ZSCAN4: variants seen among roughly 807,000 people sequenced by gnomAD.
ZSCAN4 encodes zinc finger and SCAN domain-containing protein 4.
In ZSCAN4, 18 loss-of-function variants were observed where a neutral mutation model predicts 18.3. The ratio of observed to expected loss-of-function variants is 0.98; its 90% confidence interval spans 0.68 to 1.46. The LOEUF (loss-of-function observed/expected upper bound fraction) is 1.46. Ranked by LOEUF, ZSCAN4 falls within the 40% of genes most tolerant of loss-of-function variation. The probability of loss-of-function intolerance (pLI) is 0.00; values close to 1 mark genes in which losing one functional copy is unlikely to be tolerated. For synonymous variants in ZSCAN4, 193 were observed against 180.3 expected (o/e 1.07, Z -0.57); for missense variants, 498 against 511.4 (o/e 0.97, Z 0.25).
At chr19:57,674,277 T>C (rs937163180) in intron 2 of ZSCAN4, among the ~76,000 whole-genome samples, 1 of 152,228 alleles carries the variant, frequency 6.6e-6, no homozygotes, top group Non-Finnish European at 1.5e-5. Flanking sequence ...ATTACTTAAA[T>C]AGTGAACATT....
chr19:57,674,585 G>A lies in ZSCAN4; in HGVS notation c.-105-1456G>A, dbSNP rs184208984. On this transcript the variant is annotated intron_variant, in intron 2 of 4. Transcript: ENST00000318203. The stretch of plus-strand genomic sequence containing the variant: ...CAGTCAACCACTGGTAGACTCTTAG[G>A]TTGGTTCCATGACTTTGCTCCTGTG... Among the ~76,000 whole-genome samples, 1,376 of 152,248 alleles carry A rather than the reference G, an allele frequency of 9.0e-3. 10 individuals are homozygous for A. The highest frequency in any genetic ancestry group is 0.014 in the Non-Finnish European group (942 of 68,022).
At chr19:57,659,873 C>T in the ZSCAN4 span, among the ~76,000 whole-genome samples, 1 of 152,174 alleles carries the variant, frequency 6.6e-6, no homozygotes, top group Non-Finnish European at 1.5e-5. Context: ...GGGTGCTCCT[C>T]AGCTACTTCT....
At chr19:57,661,217 C>G in the ZSCAN4 span, among the ~76,000 whole-genome samples, 3 of 152,276 alleles carry the variant, frequency 2.0e-5, no homozygotes, top group South Asian at 6.2e-4. Flanking sequence ...ATGGTGAATA[C>G]TCACTGGGAC....
At chr19:57,672,166 AC>A (rs1247123267) in intron 2 of ZSCAN4, among the ~76,000 whole-genome samples, 1 of 152,206 alleles carries the variant, frequency 6.6e-6, no homozygotes, top group African/African-American at 2.4e-5. Flanking sequence ...TGAATCCTAA[AC>A]ATCAGTAGGA....
intron 2 of ZSCAN4, among the ~76,000 whole-genome samples, chr19:57,672,604 CT>C (rs71188041): frequency 0.49 from 67,022 of 137,038 alleles, 15,253 homozygotes; most frequent in Middle Eastern, 0.58. Flanking sequence ...ACATAGTTAT[CT>C]TTTTTTTTTT....
exon 3 of ZSCAN4, chr19:57,676,524 A>G: frequency 6.2e-7 from 1 of 1,613,616 alleles, no homozygotes; most frequent in Non-Finnish European, 8.5e-7. Context: ...TGATGACAGC[A>G]TAAATCCACC....
the ZSCAN4 span, among the ~76,000 whole-genome samples, chr19:57,657,293 C>CAAAAAAAAAAAA: frequency 1.1e-5 from 1 of 95,046 alleles, no homozygotes; most frequent in Non-Finnish European, 2.3e-5. Flanking sequence ...GACTCCATGT[C>CAAAAAAAAAAAA]AAAAAAAAAA....
chr19:57,666,154 C>A (rs1983843361), upstream of ZSCAN4, among the ~76,000 whole-genome samples: 1 of 152,152 alleles, frequency 6.6e-6, no homozygotes, highest in African/African-American at 2.4e-5. Flanking sequence ...GCAGCCGATG[C>A]CTGCCATGGT....
At chr19:57,654,287 CT>C in the ZSCAN4 span, among the ~76,000 whole-genome samples, 1 of 152,128 alleles carries the variant, frequency 6.6e-6, no homozygotes, top group African/African-American at 2.4e-5. Context: ...AATTTACCCC[CT>C]GTCATTCTAC....
intron 2 of ZSCAN4, among the ~76,000 whole-genome samples, chr19:57,672,622 A>C (rs939237965): frequency 4.1e-5 from 5 of 120,748 alleles, no homozygotes; most frequent in African/African-American, 1.6e-4. Flanking sequence ...TTTTTTTTTG[A>C]GACAGAATCT....
exon 2 of ZSCAN4, chr19:57,670,427 A>G (rs1983983868): frequency 6.6e-6 from 1 of 152,176 alleles, no homozygotes; most frequent in African/African-American, 2.4e-5. Flanking sequence ...GTGTTATCCA[A>G]TCACGTCTTT....
At chr19:57,678,371 G>A in exon 5 of ZSCAN4, 1 of 1,614,148 alleles carries the variant, frequency 6.2e-7, no homozygotes, top group Non-Finnish European at 8.5e-7. Context: ...CTCAGGAAGG[G>A]TCCATAAATG....
At chr19:57,664,623 T>C, upstream of ZSCAN4, 1 of 187,336 alleles carries the variant, frequency 5.3e-6, no homozygotes, top group Non-Finnish European at 1.2e-5. Context: ...ACTCCAGGGC[T>C]GGCAGGCGGC....
chr19:57,676,061 A>C (rs1984170877), exon 3 of ZSCAN4: 1 of 1,343,952 alleles, frequency 7.4e-7, no homozygotes, highest in African/African-American at 1.5e-5. Context: ...TAAAGAATCC[A>C]CCAACTGTTG....
chr19:57,669,967 A>G (rs1470227638), intron 1 of ZSCAN4, among the ~76,000 whole-genome samples: 1 of 152,086 alleles, frequency 6.6e-6, no homozygotes, highest in African/African-American at 2.4e-5. Context: ...CAGTGGCGCA[A>G]TCTTGGCTCA....
chr19:57,663,611 G>A, the ZSCAN4 span, among the ~76,000 whole-genome samples: 1 of 150,096 alleles, frequency 6.7e-6, no homozygotes, highest in African/African-American at 2.5e-5. Context: ...GGAGGCTGAG[G>A]TGGGAGGATT....
At chr19:57,676,929 C>T (rs1984206701) in intron 3 of ZSCAN4, among the ~76,000 whole-genome samples, 1 of 152,140 alleles carries the variant, frequency 6.6e-6, no homozygotes, top group Admixed American at 6.5e-5. Flanking sequence ...CAGGCGTGCT[C>T]CACCAAGGCC....
chr19:57,666,825 T>C (rs1983864312), upstream of ZSCAN4, among the ~76,000 whole-genome samples: 1 of 152,256 alleles, frequency 6.6e-6, no homozygotes, highest in Non-Finnish European at 1.5e-5. Context: ...CACTCCAGCC[T>C]GGGCGACAGA....
the ZSCAN4 span, among the ~76,000 whole-genome samples, chr19:57,653,987 A>G: frequency 1.3e-5 from 2 of 152,136 alleles, no homozygotes; most frequent in African/African-American, 4.8e-5. Context: ...ATCACCCACT[A>G]CCATCACCAC....
Sources: gnomAD v4.1 joint callset for allele counts (sites outside exome capture counted in the v4.1 genomes callset) on GRCh38, gnomAD v4.1.1 for gene constraint, MANE v1.5 for transcripts, NCBI Gene and HGNC (gene_info 2026-07-23, HGNC 2026-07-21) for gene names.